ASIC2: variants seen among roughly 807,000 people sequenced by gnomAD.
The protein encoded by ASIC2 is acid-sensing ion channel 2.
In ASIC2, 25 loss-of-function variants were observed where a neutral mutation model predicts 57.3. That is an observed-to-expected ratio of 0.44 (90% CI 0.32 to 0.61). ASIC2 has a LOEUF of 0.61. ASIC2 is among the 20% of genes least tolerant of loss of function. ASIC2 has a pLI of 0.06. For missense variants in ASIC2, 641 were observed against 738.1 expected, an observed-to-expected ratio of 0.87 and a Z score of 1.52; for synonymous variants, 319 against 307.5, an observed-to-expected ratio of 1.04 and a Z score of -0.39.
chr17:33,886,109 C>CA (rs755433003), intron 1 of ASIC2, among the ~76,000 whole-genome samples: 18 of 151,958 alleles, frequency 1.2e-4, no homozygotes, highest in Non-Finnish European at 1.6e-4. Context: ...AGTGGCTTTC[C>CA]AAAAAAAGAA....
Position 33,218,869 on chromosome 17 carries a change from CG to C in ASIC2, c.708+72538del, listed in dbSNP as rs765021599. ...TTCAGGGGACACAGTGATAACAGGG[CG>C]GGGGGGCTACTGTATTTGATGACTC... On this transcript the variant is annotated intron_variant, in intron 1 of 9. Coordinates refer to ENST00000225823, the MANE Select transcript of ASIC2 (RefSeq NM_183377.2). Among the ~76,000 whole-genome samples, 6 of 152,074 alleles carry C rather than the reference CG, an allele frequency of 3.9e-5. No individual in the cohort carries two copies. In the East Asian group the frequency reaches 9.7e-4, roughly 25 times the overall value.
chr17:34,041,473 C>A (rs1908129861), intron 1 of ASIC2: 1 of 152,160 alleles, frequency 6.6e-6, no homozygotes, highest in African/African-American at 2.4e-5. Context: ...AGAATGATAA[C>A]TTTGACATCA....
intron 1 of ASIC2, among the ~76,000 whole-genome samples, chr17:33,218,652 A>T (rs891318658): frequency 6.6e-6 from 1 of 152,162 alleles, no homozygotes; most frequent in Non-Finnish European, 1.5e-5. Flanking sequence ...GAGCAGGAGC[A>T]TGACTCTATC....
At chr17:33,217,773 G>T (rs1204716972) in intron 1 of ASIC2, among the ~76,000 whole-genome samples, 1 of 152,192 alleles carries the variant, frequency 6.6e-6, no homozygotes. Context: ...AGCCTGGGAG[G>T]ATTAAATGAG....
chr17:34,032,848 C>A (rs187002366), intron 1 of ASIC2, among the ~76,000 whole-genome samples: 1 of 152,016 alleles, frequency 6.6e-6, no homozygotes, highest in Non-Finnish European at 1.5e-5. Context: ...TACAGGAGTA[C>A]CCAGATTCAT....
intron 1 of ASIC2, among the ~76,000 whole-genome samples, chr17:33,350,814 T>C (rs1908139623): frequency 6.6e-6 from 1 of 152,108 alleles, no homozygotes; most frequent in African/African-American, 2.4e-5. Context: ...TTTTAGTTTC[T>C]TGTTGCAAAA....
At position 33,265,743 on chromosome 17, in the gene ASIC2, C is replaced by T. The variant is rs879181461; in HGVS notation, c.708+25665G>A. 4.6e-5 allele frequency among the ~76,000 whole-genome samples: 7 copies of T among 152,178 alleles called. No individual in the cohort carries two copies. In the East Asian group the frequency reaches 5.8e-4, roughly 13 times the overall value. On this transcript the variant is annotated intron_variant, in intron 1 of 9. Coordinates refer to ENST00000225823, the MANE Select transcript of ASIC2 (RefSeq NM_183377.2). ...AAAGCCTTCTTGGATTGGGTGTCTT[C>T]GCTCTGGCTCTCCCAGTCCTGGGCT...
intron 1 of ASIC2, among the ~76,000 whole-genome samples, chr17:33,178,855 G>A (rs1039012416): frequency 1.1e-4 from 17 of 152,262 alleles, no homozygotes; most frequent in African/African-American, 3.6e-4. Context: ...CTGCATCCCC[G>A]ACAGCCTCCC....
chr17:33,507,207 C>A (rs1914290547), intron 1 of ASIC2, among the ~76,000 whole-genome samples: 1 of 152,196 alleles, frequency 6.6e-6, no homozygotes, highest in Non-Finnish European at 1.5e-5. Context: ...TCATGACAGG[C>A]AGGAGGGCTT....
rs1223797316 is a variant in ASIC2 at position 33,136,237 on chromosome 17, C to T, written c.709-24170G>A. ...TTGTGTGTTGATTCATCCATTTATTCCACACATATTTACTGAGCACCAGAC... is the reference window on the plus strand; with the variant it reads ...TTGTGTGTTGATTCATCCATTTATTTCACACATATTTACTGAGCACCAGAC... On this transcript the variant is annotated intron_variant, in intron 1 of 9. Transcript: ENST00000225823. 3.3e-5 allele frequency among the ~76,000 whole-genome samples: 5 copies of T among 152,272 alleles called. No individual in the cohort carries two copies. The East Asian group carries it at 9.6e-4, about 29-fold the overall frequency.
At chr17:33,592,025 T>C (rs1325826388) in intron 1 of ASIC2, among the ~76,000 whole-genome samples, 1 of 152,112 alleles carries the variant, frequency 6.6e-6, no homozygotes, top group Non-Finnish European at 1.5e-5. Flanking sequence ...ATGTGCAAAG[T>C]TTCCCATTCT....
intron 3 of ASIC2, among the ~76,000 whole-genome samples, chr17:33,044,833 G>A (rs1027057453): frequency 2.0e-5 from 3 of 152,212 alleles, no homozygotes; most frequent in African/African-American, 7.2e-5. Flanking sequence ...CGTAGTGGGG[G>A]CACTGAGGAG....
intron 1 of ASIC2, among the ~76,000 whole-genome samples, chr17:33,180,564 C>G (rs561455067): frequency 1.3e-5 from 2 of 152,246 alleles, no homozygotes; most frequent in South Asian, 4.2e-4. Context: ...CCACCACCAC[C>G]ATCATCACCA....
intron 1 of ASIC2, among the ~76,000 whole-genome samples, chr17:33,540,060 G>A (rs545409406): frequency 1.7e-3 from 256 of 152,330 alleles, no homozygotes; most frequent in Non-Finnish European, 1.7e-3. Context: ...AACAGACAGG[G>A]ATTGTCTCAC....
intron 1 of ASIC2, among the ~76,000 whole-genome samples, chr17:33,522,666 C>T (rs1385499395): frequency 6.6e-6 from 1 of 152,218 alleles, no homozygotes; most frequent in Admixed American, 6.5e-5. Context: ...TTGAGATTTT[C>T]AGTTTTCTCA....
chr17:33,193,045 G>A (rs900918235), intron 1 of ASIC2, among the ~76,000 whole-genome samples: 1 of 152,130 alleles, frequency 6.6e-6, no homozygotes, highest in African/African-American at 2.4e-5. Flanking sequence ...CCTGGGTTTC[G>A]GGGAAATGTT....
At chr17:34,079,217 A>G (rs753521928) in intron 1 of ASIC2, 2 of 152,264 alleles carry the variant, frequency 1.3e-5, no homozygotes, top group African/African-American at 2.4e-5. Flanking sequence ...AGAAATTCTT[A>G]TAATTTTGCA....
At chr17:33,588,345 C>T (rs1161496942) in intron 1 of ASIC2, among the ~76,000 whole-genome samples, 3 of 152,166 alleles carry the variant, frequency 2.0e-5, no homozygotes, top group African/African-American at 7.2e-5. Flanking sequence ...GGTAAATTCA[C>T]TTTCTCTTTC....
At chr17:34,017,929 A>G (rs182375665) in intron 1 of ASIC2, among the ~76,000 whole-genome samples, 289 of 152,336 alleles carry the variant, frequency 1.9e-3, no homozygotes, top group African/African-American at 6.7e-3. Flanking sequence ...GCTGATGTGG[A>G]AGTTGTGGCT....
Sources: allele counts gnomAD v4.1 joint callset (sites outside exome capture counted in the v4.1 genomes callset), GRCh38; gene constraint gnomAD v4.1.1; transcripts MANE v1.5; gene names NCBI Gene and HGNC (gene_info 2026-07-23, HGNC 2026-07-21).